The following MIA2 variants were observed in gnomAD, a reference collection of about 807,000 sequenced individuals.
The protein encoded by MIA2 is MIA SH3 domain ER export factor 2, also known as melanoma inhibitory activity protein 2.
A neutral mutation model predicts 167.8 loss-of-function variants in MIA2; 127 were observed. The observed-to-expected ratio is 0.76, with a 90% CI of 0.66 to 0.88. MIA2 has a LOEUF of 0.88. MIA2 is among the 40% of genes least tolerant of loss of function. MIA2 has a pLI of 0.00. For missense variants in MIA2, 1,690 were observed against 1,624.7 expected, an observed-to-expected ratio of 1.04 and a Z score of -0.69; for synonymous variants, 552 against 541.9, an observed-to-expected ratio of 1.02 and a Z score of -0.26.
intron 25 of MIA2, among the ~76,000 whole-genome samples, chr14:39,345,213 G>A (rs1333878727): frequency 6.6e-6 from 1 of 152,020 alleles, no homozygotes; most frequent in Non-Finnish European, 1.5e-5. Flanking sequence ...CCGAGTAGCT[G>A]GGATTACAGA....
chr14:39,279,595 CTG>C (rs1302022502), intron 9 of MIA2, 58 bp downstream of exon 9: 3 of 1,070,822 alleles, frequency 2.8e-6, no homozygotes, highest in African/African-American at 3.2e-5. Context: ...ATACTTCTCA[CTG>C]TAGGTACTTC....
intron 6 of MIA2, among the ~76,000 whole-genome samples, chr14:39,254,013 T>C (rs558566265): frequency 7.2e-5 from 11 of 152,276 alleles, no homozygotes; most frequent in Non-Finnish European, 1.0e-4. Context: ...AGGACACAGA[T>C]AAAAAAGTAA....
At chr14:39,300,684 G>A (rs1471908506) in intron 14 of MIA2, among the ~76,000 whole-genome samples, 1 of 105,016 alleles carries the variant, frequency 9.5e-6, no homozygotes, top group Non-Finnish European at 1.8e-5. Flanking sequence ...GGGGGAGGGG[G>A]GAGGGATAGC....
At chr14:39,306,531 A>AC (rs2063367079) in intron 17 of MIA2, among the ~76,000 whole-genome samples, 1 of 151,814 alleles carries the variant, frequency 6.6e-6, no homozygotes, top group South Asian at 2.1e-4. Context: ...ATTAGAAACC[A>AC]CCCCCTTGGT....
intron 25 of MIA2, among the ~76,000 whole-genome samples, chr14:39,345,226 A>G (rs1325358792): frequency 6.6e-6 from 1 of 151,976 alleles, no homozygotes; most frequent in East Asian, 1.9e-4. Context: ...ATTACAGACT[A>G]CCATGCCTGG....
downstream of MIA2, chr14:39,350,999 A>G (rs1308175079): frequency 6.6e-6 from 1 of 151,532 alleles, no homozygotes; most frequent in Admixed American, 6.6e-5. Flanking sequence ...GGTATTTACT[A>G]TTTTCTGTGG....
intron 9 of MIA2, among the ~76,000 whole-genome samples, chr14:39,286,406 C>A (rs1486540539): frequency 2.6e-5 from 4 of 152,124 alleles, no homozygotes; most frequent in African/African-American, 9.7e-5. Flanking sequence ...TACAGTCCAG[C>A]TTTGGCTCGG....
chr14:39,250,484 T>G (rs2054513919), intron 4 of MIA2, among the ~76,000 whole-genome samples: 1 of 151,736 alleles, frequency 6.6e-6, no homozygotes, highest in South Asian at 2.1e-4. Flanking sequence ...TTACTTGAAG[T>G]CAGGAGTTTG....
At chr14:39,257,561 T>C (rs941500606) in intron 6 of MIA2, among the ~76,000 whole-genome samples, 5 of 152,340 alleles carry the variant, frequency 3.3e-5, no homozygotes, top group Non-Finnish European at 7.3e-5. Flanking sequence ...TGTCTTTTAA[T>C]TGGGGTATTT....
At chr14:39,317,162 A>G (rs1009552259) in intron 21 of MIA2, among the ~76,000 whole-genome samples, 1 of 152,158 alleles carries the variant, frequency 6.6e-6, no homozygotes, top group Non-Finnish European at 1.5e-5. Flanking sequence ...GGAAAACCCA[A>G]GGAACCACAG....
downstream of MIA2, among the ~76,000 whole-genome samples, chr14:39,352,876 A>G (rs1022401110): frequency 2.6e-5 from 4 of 152,138 alleles, no homozygotes; most frequent in Non-Finnish European, 5.9e-5. Flanking sequence ...TTATATTGAG[A>G]ATACTTCAAA....
chr14:39,311,721 C>G (rs1028285945), intron 18 of MIA2, among the ~76,000 whole-genome samples: 2 of 151,562 alleles, frequency 1.3e-5, no homozygotes, highest in Non-Finnish European at 2.9e-5. Flanking sequence ...AACTCCTGAC[C>G]TCTAGTGATC....
intron 25 of MIA2, among the ~76,000 whole-genome samples, chr14:39,328,292 C>T (rs751936880): frequency 6.0e-4 from 91 of 152,250 alleles, no homozygotes; most frequent in Non-Finnish European, 1.2e-3. Context: ...TGTTCATATC[C>T]TTCGCCCACT....
At chr14:39,295,066 T>G (rs757601801) in intron 13 of MIA2, 37 bp downstream of exon 13, 1 of 1,348,872 alleles carries the variant, frequency 7.4e-7, no homozygotes, top group South Asian at 1.2e-5. Context: ...CTTGTGAATA[T>G]GTAATTATAG....
chr14:39,313,323 C>T lies in MIA2; in HGVS notation c.3018-17C>T, dbSNP rs1223625758. ...TTGACATGTATTAAGAGAATTATAA[C>T]ATTTTTTGTTTTTAAGGAAATTAAC... On this transcript the variant is annotated splice_polypyrimidine_tract_variant and intron_variant, in intron 18 of 28. Transcript: ENST00000640607. 9.7e-6 allele frequency: 13 copies of T among 1,333,662 alleles called. No individual in the cohort carries two copies. Among genetic ancestry groups the T allele is most frequent in the Non-Finnish European group, 1.2e-5 (11 of 944,656 alleles). 82.6% of individuals were successfully genotyped at this position (1,333,662 alleles called of 1,614,324 possible). A position where few individuals can be genotyped will look rare whatever the true frequency, so the allele number is the denominator to read the frequency against.
In MIA2 at chr14:39,291,077, C is replaced by G. The variant is rs753224655; in HGVS notation, c.2189C>G (p.Thr730Arg). Residue 730 changes from threonine (T) to arginine (R), a missense_variant, in exon 10 of 29, where the codon ACA becomes AGA. Physicochemically the swap from Thr to Arg is moderately conservative, Grantham distance 71. Coordinates refer to ENST00000640607, the MANE Select transcript of MIA2 (RefSeq NM_001329214.4). ...GATGCCAGCTTTGAGAAGGAGGCAA[C>G]AGAAGCACAAAGTTTGGAGGTAGAA... ...LKDASFEKEA[T>R]EAQSLEATCE... 27 of 1,604,582 alleles carry G rather than the reference C, an allele frequency of 1.7e-5. No homozygotes were observed. The South Asian group carries it at 2.9e-4, about 17-fold the overall frequency.
chr14:39,367,449 C>A (rs1375524543), intron 23 of MIA2, among the ~76,000 whole-genome samples: 2 of 152,178 alleles, frequency 1.3e-5, no homozygotes, highest in Non-Finnish European at 2.9e-5. Context: ...AGCTCCCTCT[C>A]TAGAGCAATG....
At chr14:39,319,937 A>T (rs563706478) in intron 23 of MIA2, among the ~76,000 whole-genome samples, 1 of 152,148 alleles carries the variant, frequency 6.6e-6, no homozygotes, top group Non-Finnish European at 1.5e-5. Flanking sequence ...TGAAAAATCT[A>T]TATATAGGTA....
At chr14:39,241,226 A>C (rs1053806504) in intron 3 of MIA2, among the ~76,000 whole-genome samples, 2 of 152,168 alleles carry the variant, frequency 1.3e-5, no homozygotes, top group Non-Finnish European at 2.9e-5. Flanking sequence ...GGGAATCAGG[A>C]GGTGGCTTTT....
Sources: gnomAD v4.1 joint callset for allele counts (sites outside exome capture counted in the v4.1 genomes callset) on GRCh38, gnomAD v4.1.1 for gene constraint, MANE v1.5 for transcripts, NCBI Gene and HGNC (gene_info 2026-07-23, HGNC 2026-07-21) for gene names.